PLCB1: variants seen among roughly 807,000 people sequenced by gnomAD.
The protein encoded by PLCB1 is phospholipase C beta 1.
PLCB1 carries 46 observed loss-of-function variants against 161.8 expected under a neutral mutation model. The observed-to-expected ratio is 0.28, with a 90% CI of 0.22 to 0.36. The LOEUF (loss-of-function observed/expected upper bound fraction) is 0.36. PLCB1 is among the 10% of genes least tolerant of loss of function. The pLI is 1.00. For synonymous variants in PLCB1, 517 were observed against 503.7 expected, an observed-to-expected ratio of 1.03 and a Z score of -0.35; for missense variants, 1,016 against 1,472.5, an observed-to-expected ratio of 0.69 and a Z score of 5.07.
At chr20:8,214,145 C>T (rs1228198853) in intron 2 of PLCB1, among the ~76,000 whole-genome samples, 1 of 152,060 alleles carries the variant, frequency 6.6e-6, no homozygotes, top group African/African-American at 2.4e-5. Flanking sequence ...ATTTACAAAC[C>T]ACAACTGAAA....
intron 2 of PLCB1, among the ~76,000 whole-genome samples, chr20:8,345,890 T>C (rs1985986904): frequency 6.6e-6 from 1 of 152,208 alleles, no homozygotes; most frequent in Non-Finnish European, 1.5e-5. Flanking sequence ...TTTGGCCAGT[T>C]TTTAGAAAAT....
At chr20:8,348,796 T>G (rs1986081488) in intron 2 of PLCB1, among the ~76,000 whole-genome samples, 1 of 152,236 alleles carries the variant, frequency 6.6e-6, no homozygotes, top group East Asian at 1.9e-4. Flanking sequence ...TTAACTCATA[T>G]TTAGCAGTTG....
At chr20:8,603,698 T>G (rs1398752171) in intron 3 of PLCB1, among the ~76,000 whole-genome samples, 1 of 152,210 alleles carries the variant, frequency 6.6e-6, no homozygotes, top group Non-Finnish European at 1.5e-5. Context: ...TCCAGGTAAT[T>G]CTGATGCACA....
chr20:8,286,909 C>T (rs1033842832), intron 2 of PLCB1, among the ~76,000 whole-genome samples: 1 of 152,122 alleles, frequency 6.6e-6, no homozygotes, highest in African/African-American at 2.4e-5. Flanking sequence ...AATTCTCATA[C>T]TGTAGAAATT....
chr20:8,629,581 C>T (rs1988462687), intron 4 of PLCB1, among the ~76,000 whole-genome samples: 1 of 152,162 alleles, frequency 6.6e-6, no homozygotes, highest in African/African-American at 2.4e-5. Flanking sequence ...TAACTTCCTT[C>T]AAGAGTTGAG....
chr20:8,151,051 A>T (rs982012734), intron 2 of PLCB1, among the ~76,000 whole-genome samples: 1 of 152,172 alleles, frequency 6.6e-6, no homozygotes, highest in Non-Finnish European at 1.5e-5. Flanking sequence ...AGATGAGAAC[A>T]CTCATGGAAA....
At chr20:8,302,296 AAACTT>A (rs1983944503) in intron 2 of PLCB1, among the ~76,000 whole-genome samples, 1 of 152,222 alleles carries the variant, frequency 6.6e-6, no homozygotes, top group Non-Finnish European at 1.5e-5. Context: ...TTCTTAAACT[AAACTT>A]AATTTTTTAT....
chr20:8,515,494 C>G (rs1568490112), intron 3 of PLCB1, among the ~76,000 whole-genome samples: 1 of 152,166 alleles, frequency 6.6e-6, no homozygotes, highest in Admixed American at 6.5e-5. Flanking sequence ...TTTCCTATAT[C>G]CCATACAATT....
rs531980358 is a variant in PLCB1, at chr20:8,585,208, T to C, written c.247-43086T>C. Among the ~76,000 whole-genome samples the C allele has an allele frequency of 2.0e-5, 3 of 152,262 alleles. No homozygotes were observed. In the East Asian group the frequency reaches 5.8e-4, roughly 29 times the overall value. On this transcript the variant is annotated intron_variant, in intron 3 of 31. Transcript: ENST00000338037. ...CTCTAGGTCCATTTCTAGATGCATG[T>C]CCTAGGTGCTGAACTAGGTCTTTTC...
intron 7 of PLCB1, among the ~76,000 whole-genome samples, chr20:8,654,002 A>G (rs1370964694): frequency 6.6e-6 from 1 of 152,088 alleles, no homozygotes; most frequent in East Asian, 1.9e-4. Context: ...TGTTTGATAT[A>G]CTGTAAATGC....
chr20:8,248,918 A>G (rs906991699), intron 2 of PLCB1: 1 of 151,944 alleles, frequency 6.6e-6, no homozygotes, highest in African/African-American at 2.4e-5. Context: ...TTCCTCCTAA[A>G]TGAATGGATA....
intron 2 of PLCB1, among the ~76,000 whole-genome samples, chr20:8,257,589 A>G (rs1568607766): frequency 6.6e-6 from 1 of 152,144 alleles, no homozygotes; most frequent in Admixed American, 6.6e-5. Context: ...TACGCCTCCC[A>G]GTAGAACAGG....
intron 1 of PLCB1, among the ~76,000 whole-genome samples, chr20:8,142,306 G>T (rs975362931): frequency 7.9e-5 from 12 of 152,148 alleles, no homozygotes; most frequent in African/African-American, 2.9e-4. Flanking sequence ...GTGTTACATT[G>T]GTTGGAACAC....
chr20:8,564,733 A>G (rs1315278893), intron 3 of PLCB1, among the ~76,000 whole-genome samples: 4 of 152,214 alleles, frequency 2.6e-5, no homozygotes, highest in Non-Finnish European at 5.9e-5. Context: ...ACATATGAAA[A>G]AAAAGCTCAT....
At chr20:8,371,360 A>G (rs1452054996) in intron 2 of PLCB1, 22 bp from the exon 3 acceptor site, 1 of 1,588,710 alleles carries the variant, frequency 6.3e-7, no homozygotes, top group Admixed American at 1.7e-5. Context: ...TTGCTTAACG[A>G]TTTCACGTTT....
At chr20:8,734,135 C>CAAAAAAAAAA (rs10624037) in intron 19 of PLCB1, among the ~76,000 whole-genome samples, 4 of 57,928 alleles carry the variant, frequency 6.9e-5, no homozygotes, top group African/African-American at 2.1e-4. Context: ...GACTCTGTCT[C>CAAAAAAAAAA]AAAAAAAAAA....
chr20:8,349,263 G>A (rs1330286034), intron 2 of PLCB1, among the ~76,000 whole-genome samples: 1 of 152,120 alleles, frequency 6.6e-6, no homozygotes, highest in East Asian at 1.9e-4. Flanking sequence ...GTGACAAGAA[G>A]AGGAAATAGG....
At position 8,142,338 on chromosome 20, in the gene PLCB1, C is replaced by G. The variant is rs930918279; in HGVS notation, c.100-7956C>G. Among the ~76,000 whole-genome samples the G allele has an allele frequency of 2.1e-4, 32 of 152,256 alleles. 1 individual carries two copies. The highest frequency in any genetic ancestry group is 8.8e-5 in the Non-Finnish European group (6 of 68,032). On this transcript the variant is annotated intron_variant, in intron 1 of 31. Coordinates refer to ENST00000338037, the MANE Select transcript of PLCB1 (RefSeq NM_015192.4). Reference sequence around the variant, plus strand: ...ACACCTTGCTCCTTGTCCTTCCATTCCATCTGAAATCTCCTAGGGTCCTAA... The same window carrying G: ...ACACCTTGCTCCTTGTCCTTCCATTGCATCTGAAATCTCCTAGGGTCCTAA...
chr20:8,805,754 C>CT (rs1353795446), intron 31 of PLCB1, among the ~76,000 whole-genome samples: 1 of 152,172 alleles, frequency 6.6e-6, no homozygotes, highest in East Asian at 1.9e-4. Flanking sequence ...TGTCCTTCAG[C>CT]TTTCTAAGTA....
Sources: gnomAD v4.1 joint callset for allele counts (sites outside exome capture counted in the v4.1 genomes callset) on GRCh38, gnomAD v4.1.1 for gene constraint, MANE v1.5 for transcripts, NCBI Gene and HGNC (gene_info 2026-07-23, HGNC 2026-07-21) for gene names.